Variants in CMIP observed in about 807,000 individuals in gnomAD.
The protein encoded by CMIP is c-Maf inducing protein.
A neutral mutation model predicts 97.3 loss-of-function variants in CMIP; 13 were observed. The ratio of observed to expected loss-of-function variants is 0.13; its 90% CI spans 0.09 to 0.21. The LOEUF is 0.21. CMIP is among the 10% of genes least tolerant of loss of function. The pLI, the probability that CMIP is intolerant of heterozygous loss-of-function variation, is 1.00. For missense variants in CMIP, 847 were observed against 1,024.9 expected (o/e 0.83, Z 2.37); for synonymous variants, 538 against 436.3 (o/e 1.23, Z -2.91).
chr16:81,640,924 C>A (rs758580895), intron 3 of CMIP, among the ~76,000 whole-genome samples: 6 of 152,144 alleles, frequency 3.9e-5, no homozygotes, highest in Non-Finnish European at 5.9e-5. Context: ...AGGACTTGGA[C>A]ATATGTTTTG....
At chr16:81,572,648 G>A (rs2091113638) in intron 1 of CMIP, among the ~76,000 whole-genome samples, 2 of 152,180 alleles carry the variant, frequency 1.3e-5, no homozygotes, top group Admixed American at 1.3e-4. Flanking sequence ...GCACATGGTC[G>A]AGCGGGGGTC....
intron 10 of CMIP, among the ~76,000 whole-genome samples, chr16:81,690,884 C>T (rs1406972813): frequency 6.6e-6 from 1 of 152,162 alleles, no homozygotes; most frequent in Non-Finnish European, 1.5e-5. Flanking sequence ...TGAGATCGTG[C>T]CATTGCACTC....
At chr16:81,673,052 TG>T (rs1204249142) in intron 9 of CMIP, among the ~76,000 whole-genome samples, 1 of 152,084 alleles carries the variant, frequency 6.6e-6, no homozygotes, top group Non-Finnish European at 1.5e-5. Context: ...AACCGAGTGG[TG>T]GGGTAGCAAG....
At chr16:81,471,993 C>A (rs1237524329) in intron 1 of CMIP, among the ~76,000 whole-genome samples, 1 of 152,220 alleles carries the variant, frequency 6.6e-6, no homozygotes, top group Non-Finnish European at 1.5e-5. Flanking sequence ...AGTGAAACCT[C>A]AGCTCAGGGG....
At chr16:81,481,149 A>G (rs77114974) in intron 1 of CMIP, among the ~76,000 whole-genome samples, 2,896 of 152,290 alleles carry the variant, frequency 0.019, 100 homozygotes, top group African/African-American at 0.066. Context: ...GATTTATTCA[A>G]CAAATATTGT....
At chr16:81,478,382 C>T (rs2927325) in intron 1 of CMIP, among the ~76,000 whole-genome samples, 7 of 151,972 alleles carry the variant, frequency 4.6e-5, no homozygotes, top group Admixed American at 1.3e-4. Context: ...GTTGTAGGGC[C>T]GAGATTTTGG....
chr16:81,539,605 T>A (rs982386498), intron 1 of CMIP, among the ~76,000 whole-genome samples: 1 of 152,234 alleles, frequency 6.6e-6, no homozygotes, highest in Non-Finnish European at 1.5e-5. Flanking sequence ...CCACTCTTAC[T>A]GCACCTCGGA....
At chr16:81,557,326 T>G (rs553163970) in intron 1 of CMIP, among the ~76,000 whole-genome samples, 5 of 136,488 alleles carry the variant, frequency 3.7e-5, no homozygotes, top group African/African-American at 1.5e-4. Context: ...TGGTTGAATT[T>G]ACTGATGTTG....
At chr16:81,706,210 C>T (rs1254018724) in intron 19 of CMIP, among the ~76,000 whole-genome samples, 3 of 152,224 alleles carry the variant, frequency 2.0e-5, no homozygotes, top group Non-Finnish European at 4.4e-5. Context: ...TTCCCTTTTC[C>T]AGGCCCACTG....
intron 1 of CMIP, among the ~76,000 whole-genome samples, chr16:81,451,477 C>T (rs925519824): frequency 6.6e-6 from 1 of 152,164 alleles, no homozygotes; most frequent in Non-Finnish European, 1.5e-5. Flanking sequence ...CACTCTTGTT[C>T]CTTGAAAGAA....
rs1904506613 is a variant in CMIP, at chr16:81,678,503, C to T, written c.1263C>T (p.Gly421=). ...AGCCGGCGCTGACGGCCAGCGCAGG[C>T]AACGACAGCGAGCCCAACCTCATCG... The part of the protein sequence containing the change: ...TAKPALTASA[G]NDSEPNLIDC... The change falls in exon 10 of 21, where the codon GGC becomes GGT. Residue 421 remains glycine (G), a synonymous_variant. Transcript: ENST00000537098. The T allele has an allele frequency of 1.2e-6, 2 of 1,600,600 alleles. No individual in the cohort carries two copies. Among genetic ancestry groups the T allele is most frequent in the Non-Finnish European group, 1.7e-6 (2 of 1,174,466 alleles).
intron 1 of CMIP, among the ~76,000 whole-genome samples, chr16:81,524,608 C>T (rs910970019): frequency 2.6e-5 from 4 of 152,114 alleles, no homozygotes; most frequent in Admixed American, 2.6e-4. Context: ...TTGCAGATGC[C>T]GAAATTGAGG....
chr16:81,635,037 C>A (rs1258782733), intron 3 of CMIP, among the ~76,000 whole-genome samples: 1 of 152,192 alleles, frequency 6.6e-6, no homozygotes, highest in Non-Finnish European at 1.5e-5. Flanking sequence ...GGCTAGGAAA[C>A]TCGCCTGGGG....
Position 81,445,213 on chromosome 16 carries a change from C to T in CMIP, c.-29C>T, listed in dbSNP as rs1343994032. On this transcript the variant is annotated 5_prime_UTR_variant, in exon 1 of 21. Transcript: ENST00000537098. ...GCAGCCCAGGACAGCCCCCTCTCCC[C>T]GCCCCCAGCCCCCTCCCCCGGCGCG... 8 of 1,460,894 alleles carry T rather than the reference C, an allele frequency of 5.5e-6. No homozygotes were observed. The highest frequency in any genetic ancestry group is 2.7e-5 in the South Asian group (2 of 74,660). 90.5% of individuals were successfully genotyped at this position (1,460,894 alleles called of 1,614,324 possible). A position where few individuals can be genotyped will look rare whatever the true frequency, so the allele number is the denominator to read the frequency against.
chr16:81,696,467 C>A (rs963336923), intron 13 of CMIP, 93 bp from the exon 14 acceptor site: 5 of 1,283,328 alleles, frequency 3.9e-6, no homozygotes, highest in South Asian at 3.8e-5. Flanking sequence ...GCAGGACTTG[C>A]CTGAGCCTTT....
At chr16:81,698,700 G>A (rs1405946493) in intron 14 of CMIP, among the ~76,000 whole-genome samples, 6 of 152,090 alleles carry the variant, frequency 3.9e-5, no homozygotes, top group Non-Finnish European at 5.9e-5. Context: ...CATCACCACC[G>A]TTCATCTCCA....
intron 13 of CMIP, 97 bp from the exon 14 acceptor site, chr16:81,696,463 C>A: frequency 8.0e-7 from 1 of 1,242,504 alleles, no homozygotes; most frequent in Non-Finnish European, 1.1e-6. Context: ...GACTGCAGGA[C>A]TTGCCTGAGC....
At chr16:81,517,885 C>T (rs2089946875) in intron 1 of CMIP, 1 of 974,978 alleles carries the variant, frequency 1.0e-6, no homozygotes, top group Non-Finnish European at 1.2e-6. Flanking sequence ...GCAGTGGCTG[C>T]AGACATCTCT....
rs952990281 is a variant in CMIP at position 81,660,806 on chromosome 16, A to G, written c.682-78A>G. On this transcript the variant is annotated intron_variant, in intron 5 of 20. Transcript: ENST00000537098. ...CTGCATTTATTTTTTTCACTTCACA[A>G]TATGGCCTGGAGATTGTTCGAAGTC... is the stretch of plus-strand genomic sequence containing the variant. 15 of 1,494,490 alleles carry G rather than the reference A, an allele frequency of 1.0e-5. No individual in the cohort carries two copies. In the African/African-American group the frequency reaches 1.4e-4, roughly 14 times the overall value. The allele number at this position is 1,494,490 out of a possible 1,614,324, so 92.6% of individuals were successfully genotyped here. A position where few individuals can be genotyped will look rare whatever the true frequency, so the allele number is the denominator to read the frequency against.
Sources: allele counts gnomAD v4.1 joint callset (sites outside exome capture counted in the v4.1 genomes callset), GRCh38; gene constraint gnomAD v4.1.1; transcripts MANE v1.5; gene names NCBI Gene and HGNC (gene_info 2026-07-23, HGNC 2026-07-21).